The following GK variants were observed in gnomAD, a reference collection of about 807,000 sequenced individuals.
GK encodes glycerol kinase, also known as ATP:glycerol 3-phosphotransferase.
A neutral mutation model predicts 56.4 loss-of-function variants in GK; 9 were observed. The ratio of observed to expected loss-of-function variants is 0.16; its 90% CI spans 0.10 to 0.28. The LOEUF is 0.28. Among genes scored for constraint, GK ranks in the 10% least tolerant of loss-of-function variants. The pLI, the probability that GK is intolerant of heterozygous loss-of-function variation, is 1.00. For synonymous variants in GK, 104 were observed against 144.1 expected (o/e 0.72, Z 1.99); for missense variants, 161 against 431.4 (o/e 0.37, Z 5.55).
At chrX:30,693,008 T>C (rs1874309461) in intron 5 of GK, among the ~76,000 whole-genome samples, 1 of 101,918 alleles carries the variant, frequency 9.8e-6, no homozygotes, top group African/African-American at 3.6e-5. Flanking sequence ...TTCTTTTTCT[T>C]TTCTTTTTTT....
At chrX:30,727,694 C>A (rs181387905) in intron 20 of GK, 142 bp downstream of exon 20, 101 of 453,785 alleles carry the variant, frequency 2.2e-4, no homozygotes, top group African/African-American at 2.0e-3. Context: ...TTAGTTAGAC[C>A]AATTAATCTT....
At position 30,697,732 on chromosome X, in the gene GK, A is replaced by G; in HGVS notation, c.730A>G (p.Lys244Glu). Residue 244 changes from lysine (K) to glutamate (E), a missense_variant and splice_region_variant, in exon 9 of 21, where the codon AAA (lysine) becomes GAA (glutamate). Lys to Glu is a moderately conservative substitution (Grantham distance 56). Transcript: ENST00000427190. Reference protein sequence around the residue: ...RSSSEIYGLMKISHSVKAGAL... With the variant: ...RSSSEIYGLMEISHSVKAGAL... ...TCTCTCTCCCCCTTGCTGACTATAGAAAATCTCTCATAGCGTGGTGAGTAG... is the reference window on the plus strand; with the variant it reads ...TCTCTCTCCCCCTTGCTGACTATAGGAAATCTCTCATAGCGTGGTGAGTAG... 8.6e-7 allele frequency: 1 copy of G among 1,165,855 alleles called. No homozygotes were observed. The highest frequency in any genetic ancestry group is 1.2e-6 in the Non-Finnish European group (1 of 854,221).
At chrX:30,699,311 TA>T (rs1935499371) in intron 9 of GK, among the ~76,000 whole-genome samples, 1 of 50,948 alleles carries the variant, frequency 2.0e-5, no homozygotes, top group South Asian at 1.9e-3. Flanking sequence ...TGTATATATA[TA>T]ACATGTTATA....
rs1193833314 is a variant in GK at position 30,723,281 on chromosome X, G to C, written c.1502-820G>C. 3.7e-5 allele frequency among the ~76,000 whole-genome samples: 4 copies of C among 109,312 alleles called. No individual in the cohort carries two copies. In the East Asian group the frequency reaches 8.8e-4, roughly 24 times the overall value. 94.9% of individuals were successfully genotyped at this position (109,312 alleles called of 115,157 possible). ...GTGGTGGTGGGCGCCTGTAGTCCCAGCTACCGGGGAGGCTGAGGCAGGAGA... is the reference window on the plus strand; with the variant it reads ...GTGGTGGTGGGCGCCTGTAGTCCCACCTACCGGGGAGGCTGAGGCAGGAGA... On this transcript the variant is annotated intron_variant, in intron 18 of 20. Coordinates refer to ENST00000427190, the MANE Select transcript of GK (RefSeq NM_001205019.2).
chrX:30,706,994 G>T (rs1293263966), intron 11 of GK, among the ~76,000 whole-genome samples: 1 of 111,825 alleles, frequency 8.9e-6, no homozygotes, highest in African/African-American at 3.3e-5. Flanking sequence ...CCCTGGCCTA[G>T]GACTGACTAA....
At position 30,729,108 on chromosome X, in the gene GK, A is replaced by G; in HGVS notation, c.*366A>G. 4.4e-6 allele frequency: 1 copy of G among 228,848 alleles called. No homozygotes were observed. Among genetic ancestry groups the G allele is most frequent in the Non-Finnish European group, 7.9e-6 (1 of 125,854 alleles). The allele number at this position is 228,848 out of a possible 1,213,427, so 18.9% of individuals were successfully genotyped here. A position where few individuals can be genotyped will look rare whatever the true frequency, so the allele number is the denominator to read the frequency against. ...GAACATACTCAAACACTTTTGGACCAGGATTTGAGTCTCTGCATGACATAT... is the reference window on the plus strand; with the variant it reads ...GAACATACTCAAACACTTTTGGACCGGGATTTGAGTCTCTGCATGACATAT... On this transcript the variant is annotated 3_prime_UTR_variant, in exon 21 of 21. Transcript: ENST00000427190.
chrX:30,663,974 T>A (rs1223751143), intron 1 of GK, among the ~76,000 whole-genome samples: 22 of 95,631 alleles, frequency 2.3e-4, no homozygotes, highest in African/African-American at 8.0e-4. Context: ...TATATATATT[T>A]TATATATATC....
At position 30,707,971 on chromosome X, in the gene GK, A is replaced by G; in HGVS notation, c.895-83A>G. ...TTATTGATTGCATTATTTTGTACCT[A>G]TGTTATTTTAACTTTAAAAAAAAGT... On this transcript the variant is annotated intron_variant, in intron 12 of 20. Transcript: ENST00000427190. The G allele has an allele frequency of 7.2e-6, 4 of 559,180 alleles. No individual in the cohort carries two copies. The Admixed American group carries it at 1.2e-4, about 16-fold the overall frequency. 46.1% of individuals were successfully genotyped at this position (559,180 alleles called of 1,213,427 possible).
intron 3 of GK, among the ~76,000 whole-genome samples, chrX:30,668,704 A>G (rs1188416235): frequency 2.7e-5 from 3 of 111,826 alleles, no homozygotes; most frequent in Non-Finnish European, 5.6e-5. Flanking sequence ...TTTGGATGTT[A>G]TTCTTAGTAT....
intron 1 of GK, among the ~76,000 whole-genome samples, chrX:30,663,984 CTA>C (rs34160985): frequency 1.1e-4 from 9 of 84,064 alleles, no homozygotes; most frequent in African/African-American, 3.2e-4. Context: ...TTATATATAT[CTA>C]TATATATTTT....
At chrX:30,724,063 A>G in intron 18 of GK, 38 bp from the exon 19 acceptor site, 2 of 839,874 alleles carry the variant, frequency 2.4e-6, no homozygotes, top group East Asian at 3.1e-5. Flanking sequence ...TCAGCAAACT[A>G]CCTTTCGTTA....
At chrX:30,700,146 A>G (rs1935566031) in intron 9 of GK, 1 of 317,007 alleles carries the variant, frequency 3.2e-6, no homozygotes, top group Non-Finnish European at 5.5e-6. Flanking sequence ...GTAGATTAAT[A>G]CTAACTAACT....
chrX:30,726,866 C>T (rs916020268), intron 19 of GK, among the ~76,000 whole-genome samples: 2 of 111,747 alleles, frequency 1.8e-5, no homozygotes, highest in African/African-American at 6.5e-5. Context: ...AATTTTGAAG[C>T]AATCATAATT....
intron 6 of GK, among the ~76,000 whole-genome samples, chrX:30,694,839 C>T (rs1408052511): frequency 1.8e-5 from 2 of 111,895 alleles, no homozygotes; most frequent in Non-Finnish European, 3.8e-5. Flanking sequence ...CTGTTATATA[C>T]TCCTTTCCCA....
At position 30,728,850 on chromosome X, in the gene GK, T is replaced by G; in HGVS notation, c.*108T>G. On this transcript the variant is annotated 3_prime_UTR_variant, in exon 21 of 21. Transcript: ENST00000427190. The stretch of plus-strand genomic sequence containing the variant: ...CACTATTCATAGACTTTGATTTTAT[T>G]TATAAGCCACTTGCTGCATGACCCT... 1 of 611,177 alleles carries G rather than the reference T, an allele frequency of 1.6e-6. No individual in the cohort carries two copies. The allele number at this position is 611,177 out of a possible 1,213,427, so 50.4% of individuals were successfully genotyped here.
intron 9 of GK, among the ~76,000 whole-genome samples, chrX:30,697,960 A>G (rs1192248378): frequency 2.7e-5 from 3 of 112,124 alleles, no homozygotes. Context: ...CTAAAATAAA[A>G]GACTAAGGTA....
intron 4 of GK, among the ~76,000 whole-genome samples, chrX:30,681,102 C>T (rs1436662474): frequency 9.0e-6 from 1 of 111,369 alleles, no homozygotes; most frequent in East Asian, 2.8e-4. Flanking sequence ...TTAAAAAAAC[C>T]ATGCATACAA....
chrX:30,711,889 A>G (rs1936340924), intron 13 of GK, among the ~76,000 whole-genome samples: 1 of 111,842 alleles, frequency 8.9e-6, no homozygotes, highest in Non-Finnish European at 1.9e-5. Context: ...TGAGATAAAC[A>G]TCAGCCTGAC....
At chrX:30,697,896 C>A in intron 9 of GK, 147 bp downstream of exon 9, 2 of 502,121 alleles carry the variant, frequency 4.0e-6, no homozygotes, top group South Asian at 3.0e-5. Flanking sequence ...AAGCTCTAGT[C>A]AGATTTTAAT....
Sources: gnomAD v4.1 joint callset for allele counts (sites outside exome capture counted in the v4.1 genomes callset) on GRCh38, gnomAD v4.1.1 for gene constraint, MANE v1.5 for transcripts, NCBI Gene and HGNC (gene_info 2026-07-23, HGNC 2026-07-21) for gene names.